Variants in TRIO observed in about 807,000 individuals in gnomAD.
The protein encoded by TRIO is trio Rho guanine nucleotide exchange factor.
Under a neutral mutation model 351.9 loss-of-function variants are expected in TRIO, and 58 were observed. That is an observed-to-expected ratio of 0.16 (90% CI 0.13 to 0.21). The LOEUF (loss-of-function observed/expected upper bound fraction) is 0.21. Ranked by LOEUF, TRIO falls within the 10% of genes least tolerant of loss-of-function variation. The pLI is 1.00. For synonymous variants in TRIO, 1,758 were observed against 1,595.7 expected, an observed-to-expected ratio of 1.10 and a Z score of -2.42; for missense variants, 3,201 against 4,027.8, an observed-to-expected ratio of 0.79 and a Z score of 5.56.
chr5:14,348,740 CCT>C (rs1192083726), intron 11 of TRIO, among the ~76,000 whole-genome samples: 3 of 132,666 alleles, frequency 2.3e-5, no homozygotes, highest in Admixed American at 1.6e-4. Flanking sequence ...ATGTGTTTTT[CCT>C]CTGTGTGTGT....
intron 1 of TRIO, among the ~76,000 whole-genome samples, chr5:14,263,197 G>A (rs1581476280): frequency 6.6e-6 from 1 of 152,222 alleles, no homozygotes; most frequent in South Asian, 2.1e-4. Context: ...CATATGTGTT[G>A]CTTTCTTTCC....
chr5:14,371,141 A>G (rs1032000920), intron 18 of TRIO, among the ~76,000 whole-genome samples: 1 of 152,230 alleles, frequency 6.6e-6, no homozygotes, highest in Non-Finnish European at 1.5e-5. Flanking sequence ...GGGTAACTGT[A>G]GGCTTAAATT....
At chr5:14,404,234 C>T (rs968463246) in intron 31 of TRIO, among the ~76,000 whole-genome samples, 2 of 152,018 alleles carry the variant, frequency 1.3e-5, no homozygotes, top group African/African-American at 2.4e-5. Flanking sequence ...ATTTTCACTT[C>T]TCTAGTCTGG....
rs74981598 is a variant in TRIO, at chr5:14,213,131, G to A, written c.158-57694G>A. The stretch of plus-strand genomic sequence containing the variant: ...CCTTGCAAACACTGAGGTTGGGAGG[G>A]AAACAAGTCTGCTTTGCACTTAGAG... On this transcript the variant is annotated intron_variant, in intron 1 of 56. Coordinates refer to ENST00000344204, the MANE Select transcript of TRIO (RefSeq NM_007118.4). Among the ~76,000 whole-genome samples, 1,289 of 152,264 alleles carry A rather than the reference G, an allele frequency of 8.5e-3. 24 individuals carry two copies. The highest frequency in any genetic ancestry group is 0.03 in the African/African-American group (1,230 of 41,556).
chr5:14,209,049 C>T (rs1443108566), intron 1 of TRIO, among the ~76,000 whole-genome samples: 1 of 152,140 alleles, frequency 6.6e-6, no homozygotes, highest in Non-Finnish European at 1.5e-5. Flanking sequence ...AGAATTTATT[C>T]GACAGGTCGC....
intron 1 of TRIO, among the ~76,000 whole-genome samples, chr5:14,210,325 T>C (rs564551333): frequency 6.6e-6 from 1 of 152,320 alleles, no homozygotes; most frequent in Admixed American, 6.5e-5. Context: ...GCCACCAAGG[T>C]AATTGTCCAG....
rs749514833 is a variant in TRIO at position 14,492,557 on chromosome 5, C to T, written c.7633-10C>T. 2.5e-6 allele frequency: 4 copies of T among 1,613,456 alleles called. No homozygotes were observed. In the South Asian group the frequency reaches 3.3e-5, roughly 13 times the overall value. ...CCTGCCTTTCTCTGTCTTCATCTGT[C>T]CCTCTGCAGAGTGAAAGCAGCAGCA... is the stretch of plus-strand genomic sequence containing the variant. On this transcript the variant is annotated splice_polypyrimidine_tract_variant and intron_variant, in intron 48 of 56. Transcript: ENST00000344204.
chr5:14,271,590 C>T (rs1400143046), intron 2 of TRIO, among the ~76,000 whole-genome samples: 1 of 152,194 alleles, frequency 6.6e-6, no homozygotes, highest in East Asian at 1.9e-4. Context: ...ATAAACAGAA[C>T]AGCCCTTGGG....
At chr5:14,261,524 A>G (rs1795344218) in intron 1 of TRIO, among the ~76,000 whole-genome samples, 1 of 152,198 alleles carries the variant, frequency 6.6e-6, no homozygotes, top group South Asian at 2.1e-4. Context: ...TGTAGAGTTG[A>G]CTTGGCTTGC....
chr5:14,438,744 G>A (rs894286075), intron 34 of TRIO, among the ~76,000 whole-genome samples: 4 of 152,110 alleles, frequency 2.6e-5, no homozygotes, highest in Admixed American at 6.5e-5. Flanking sequence ...CTTTTGCCTC[G>A]CCTCCTCTCC....
chr5:14,482,182 A>G (rs139403692), intron 45 of TRIO, among the ~76,000 whole-genome samples: 2,465 of 152,264 alleles, frequency 0.016, 66 homozygotes, highest in African/African-American at 0.05. Context: ...ATTAGCATTG[A>G]AAGTTCTGGT....
At position 14,500,521 on chromosome 5, in the gene TRIO, G is replaced by C. The variant is rs146203700; in HGVS notation, c.8332+1881G>C. On this transcript the variant is annotated intron_variant, in intron 53 of 56. Transcript: ENST00000344204. ...GCCCTGCACCCTGAGGACAGGTGCA[G>C]GCCCCCAAACTGTGTCCGAGAGAAT... is the stretch of plus-strand genomic sequence containing the variant. Among the ~76,000 whole-genome samples the C allele has an allele frequency of 1.9e-3, 294 of 152,286 alleles. 1 individual carries two copies. Among genetic ancestry groups the C allele is most frequent in the African/African-American group, 6.9e-3 (288 of 41,552 alleles).
chr5:14,337,288 G>A (rs543910147), intron 11 of TRIO, among the ~76,000 whole-genome samples: 1 of 152,270 alleles, frequency 6.6e-6, no homozygotes, highest in South Asian at 2.1e-4. Flanking sequence ...ATTATACCTT[G>A]CATATATGTT....
intron 34 of TRIO, among the ~76,000 whole-genome samples, chr5:14,432,491 G>T (rs1751242917): frequency 6.6e-6 from 1 of 152,168 alleles, no homozygotes; most frequent in Admixed American, 6.5e-5. Context: ...GAGAGGCCAT[G>T]GGCCCTCCAA....
chr5:14,297,973 G>A (rs1220858162), intron 7 of TRIO, among the ~76,000 whole-genome samples: 1 of 152,130 alleles, frequency 6.6e-6, no homozygotes, highest in African/African-American at 2.4e-5. Flanking sequence ...ATTTCCCCTC[G>A]GCTAGTCTTG....
At chr5:14,188,906 A>G (rs1399013940) in intron 1 of TRIO, among the ~76,000 whole-genome samples, 1 of 152,252 alleles carries the variant, frequency 6.6e-6, no homozygotes, top group Non-Finnish European at 1.5e-5. Context: ...GAATACTTTC[A>G]GAAGCCCATA....
At chr5:14,395,469 G>T (rs773828971) in intron 28 of TRIO, among the ~76,000 whole-genome samples, 1 of 152,222 alleles carries the variant, frequency 6.6e-6, no homozygotes, top group African/African-American at 2.4e-5. Flanking sequence ...TCTGCCAGAG[G>T]TTCTTCAGGA....
chr5:14,144,022 A>G (rs2152110787), intron 1 of TRIO, 140 bp downstream of exon 1: 1 of 589,334 alleles, frequency 1.7e-6, no homozygotes, highest in Non-Finnish European at 2.2e-6. Context: ...CTCGCCTGGG[A>G]CCACTGCTTC....
At chr5:14,207,611 G>A (rs42289) in intron 1 of TRIO, among the ~76,000 whole-genome samples, 8,609 of 150,704 alleles carry the variant, frequency 0.057, 322 homozygotes, top group African/African-American at 0.1. Context: ...GTAGGCTCAA[G>A]TGGGAGGATT....
Sources: gnomAD v4.1 joint callset for allele counts (sites outside exome capture counted in the v4.1 genomes callset) on GRCh38, gnomAD v4.1.1 for gene constraint, MANE v1.5 for transcripts, NCBI Gene and HGNC (gene_info 2026-07-23, HGNC 2026-07-21) for gene names.